CNTNAP3B: variants seen among roughly 807,000 people sequenced by gnomAD.
The protein encoded by CNTNAP3B is contactin associated protein family member 3B.
In CNTNAP3B, 25 loss-of-function variants were observed where a neutral mutation model predicts 108.9. That is an observed-to-expected ratio of 0.23 (90% CI 0.17 to 0.32). The LOEUF (loss-of-function observed/expected upper bound fraction) is 0.32. Ranked by LOEUF, CNTNAP3B falls within the 10% of genes least tolerant of loss-of-function variation. The pLI, the probability that CNTNAP3B is intolerant of heterozygous loss-of-function variation, is 1.00. For missense variants in CNTNAP3B, 252 were observed against 1,210.4 expected (o/e 0.21, Z 11.75); for synonymous variants, 103 against 473.4 (o/e 0.22, Z 10.16).
chr9:42,125,329 C>A (rs1350147857), intron 1 of CNTNAP3B, among the ~76,000 whole-genome samples: 2 of 140,514 alleles, frequency 1.4e-5, no homozygotes, highest in East Asian at 4.3e-4. Flanking sequence ...CTATAGGTCA[C>A]CACCAGTGCT....
Position 42,121,771 on chromosome 9 carries a change from T to C in CNTNAP3B, c.85+7239A>G, listed in dbSNP as rs1239312382. 9.3e-5 allele frequency among the ~76,000 whole-genome samples: 13 copies of C among 140,418 alleles called. 4 individuals are homozygous for C. Among genetic ancestry groups the C allele is most frequent in the African/African-American group, 3.6e-4 (13 of 35,716 alleles). The allele number at this position is 140,418 out of a possible 152,430, so 92.1% of individuals were successfully genotyped here. A position where few individuals can be genotyped will look rare whatever the true frequency, so the allele number is the denominator to read the frequency against. ...GCTCACTATTTCTTATATCATGTTA[T>C]AATTATATTCATGAAGAAGATGACC... On this transcript the variant is annotated intron_variant, in intron 1 of 23. Transcript: ENST00000377561.
rs565905978 is a variant in CNTNAP3B, at chr9:41,940,412, G to T, written c.2081-2012C>A. Among the ~76,000 whole-genome samples, 3 of 152,422 alleles carry T rather than the reference G, an allele frequency of 2.0e-5. No homozygotes were observed. In the East Asian group the frequency reaches 5.8e-4, roughly 29 times the overall value. On this transcript the variant is annotated intron_variant, in intron 13 of 23. Transcript: ENST00000377561. ...TTGAATGATAGTAGATTACTCATCTGAAATTACAGAACCAGAAGGAATGGC... is the reference window on the plus strand; with the variant it reads ...TTGAATGATAGTAGATTACTCATCTTAAATTACAGAACCAGAAGGAATGGC...
intron 18 of CNTNAP3B, among the ~76,000 whole-genome samples, chr9:41,919,430 A>G (rs1183867365): frequency 1.3e-5 from 2 of 152,176 alleles, no homozygotes; most frequent in South Asian, 2.1e-4. Context: ...TTTTGAAAAC[A>G]TGATTGTACC....
rs867294387 is a variant in CNTNAP3B, at chr9:42,093,293, C to G, written c.196+11336G>C. Among the ~76,000 whole-genome samples the G allele has an allele frequency of 2.1e-5, 2 of 94,824 alleles. 1 individual carries two copies. The highest frequency in any genetic ancestry group is 2.2e-4 in the Admixed American group (2 of 9,134). The allele number at this position is 94,824 out of a possible 152,430, so 62.2% of individuals were successfully genotyped here. Reference sequence around the variant, plus strand: ...CCAGGAAGCGGAGGTTGCAGTCAGCCGAGATCACGTCACTGCACTCCAGCC... The same window carrying G: ...CCAGGAAGCGGAGGTTGCAGTCAGCGGAGATCACGTCACTGCACTCCAGCC... On this transcript the variant is annotated intron_variant, in intron 2 of 23. Coordinates refer to ENST00000377561, the MANE Select transcript of CNTNAP3B (RefSeq NM_001201380.3).
chr9:41,935,817 AT>A (rs1366563620), intron 14 of CNTNAP3B, among the ~76,000 whole-genome samples: 1 of 152,268 alleles, frequency 6.6e-6, no homozygotes, highest in Admixed American at 6.5e-5. Flanking sequence ...TCTCTCCTGA[AT>A]TTTTTTCCAA....
intron 14 of CNTNAP3B, among the ~76,000 whole-genome samples, chr9:41,932,732 C>G (rs1288722504): frequency 6.6e-6 from 1 of 151,894 alleles, no homozygotes; most frequent in Non-Finnish European, 1.5e-5. Context: ...GTTGGTCAGG[C>G]TGGTCTCGAA....
At chr9:41,939,946 C>T (rs1484069589) in intron 13 of CNTNAP3B, among the ~76,000 whole-genome samples, 1 of 151,990 alleles carries the variant, frequency 6.6e-6, no homozygotes, top group Non-Finnish European at 1.5e-5. Flanking sequence ...AAGCTTAGGA[C>T]CCCAGGACTG....
intron 14 of CNTNAP3B, among the ~76,000 whole-genome samples, chr9:41,934,413 G>A (rs1340183476): frequency 6.6e-6 from 1 of 152,220 alleles, no homozygotes; most frequent in Non-Finnish European, 1.5e-5. Flanking sequence ...GTAGAGACGG[G>A]GTTTCACCTG....
chr9:42,096,342 T>C (rs1827900174), intron 2 of CNTNAP3B, among the ~76,000 whole-genome samples: 2 of 140,460 alleles, frequency 1.4e-5, no homozygotes, highest in Admixed American at 1.4e-4. Flanking sequence ...TGAGGGTTCC[T>C]AGTCTGCGAG....
Position 42,063,839 on chromosome 9 carries a change from G to A in CNTNAP3B, c.390+13030C>T, listed in dbSNP as rs372228949. On this transcript the variant is annotated intron_variant, in intron 3 of 23. Transcript: ENST00000377561. ...TGGGCTCAAGCGACTCTCCCACCTC[G>A]GCCTCCCAAAGCGCTGACATTATAG... Among the ~76,000 whole-genome samples the A allele has an allele frequency of 1.8e-4, 27 of 149,872 alleles. No homozygotes were observed. The East Asian group carries it at 3.9e-3, about 22-fold the overall frequency.
intron 3 of CNTNAP3B, among the ~76,000 whole-genome samples, chr9:42,044,679 C>A (rs1411640270): frequency 6.8e-6 from 1 of 147,728 alleles, no homozygotes; most frequent in Non-Finnish European, 1.5e-5. Context: ...ACACAGAGAA[C>A]TAGAAAAGAC....
intron 9 of CNTNAP3B, among the ~76,000 whole-genome samples, chr9:41,971,333 CAAT>C (rs1382432317): frequency 2.3e-5 from 2 of 85,734 alleles, no homozygotes; most frequent in Middle Eastern, 4.5e-3. Flanking sequence ...AAAGAAAACA[CAAT>C]AATTGTAAAA....
chr9:41,990,755 C>T (rs1488536742), intron 8 of CNTNAP3B, among the ~76,000 whole-genome samples: 1 of 134,544 alleles, frequency 7.4e-6, no homozygotes, highest in Non-Finnish European at 1.6e-5. Context: ...TCTGCAAATC[C>T]AATCATCAAA....
At chr9:41,962,912 G>A (rs1470808767) in intron 11 of CNTNAP3B, among the ~76,000 whole-genome samples, 3 of 151,724 alleles carry the variant, frequency 2.0e-5, no homozygotes, top group African/African-American at 4.9e-5. Context: ...CTGAGATCAT[G>A]ACACTGGGCT....
intron 7 of CNTNAP3B, chr9:41,993,176 A>T (rs1825839195): frequency 1.4e-5 from 1 of 69,834 alleles, no homozygotes; most frequent in South Asian, 5.3e-4. Flanking sequence ...ATCCAGATAC[A>T]GACCATTTAA....
rs1053741793 is a variant in CNTNAP3B, at chr9:42,123,967, CCT to C, written c.85+5041_85+5042del. Among the ~76,000 whole-genome samples, 5 of 125,258 alleles carry C rather than the reference CCT, an allele frequency of 4.0e-5. 1 individual carries two copies. The highest frequency in any genetic ancestry group is 6.6e-5 in the African/African-American group (2 of 30,212). 82.2% of individuals were successfully genotyped at this position (125,258 alleles called of 152,430 possible). ...TCTGTGAATTAGAAGCAAGTAATAT[CCT>C]CTGTTTTTATACTCTCAAAAAATGT... On this transcript the variant is annotated intron_variant, in intron 1 of 23. Transcript: ENST00000377561.
At chr9:42,094,496 A>T (rs1363145083) in intron 2 of CNTNAP3B, among the ~76,000 whole-genome samples, 3 of 129,338 alleles carry the variant, frequency 2.3e-5, no homozygotes, top group Admixed American at 7.8e-5. Context: ...CTTTACAAAA[A>T]ATATAAATGT....
chr9:42,073,172 A>T (rs1213688974), intron 3 of CNTNAP3B, among the ~76,000 whole-genome samples: 1 of 111,142 alleles, frequency 9.0e-6, no homozygotes, highest in Non-Finnish European at 1.8e-5. Context: ...AAAGCCATAA[A>T]ACGACAGAGG....
intron 2 of CNTNAP3B, among the ~76,000 whole-genome samples, chr9:42,087,192 T>G (rs1184929331): frequency 1.4e-5 from 2 of 140,102 alleles, no homozygotes; most frequent in Non-Finnish European, 3.1e-5. Context: ...CACTTATTAG[T>G]TGGTGTCTTT....
Sources: allele counts gnomAD v4.1 joint callset (sites outside exome capture counted in the v4.1 genomes callset), GRCh38; gene constraint gnomAD v4.1.1; transcripts MANE v1.5; gene names NCBI Gene and HGNC (gene_info 2026-07-23, HGNC 2026-07-21).